The following RBFOX1 variants were observed in gnomAD, a reference collection of about 807,000 sequenced individuals.
The protein encoded by RBFOX1 is RNA binding protein fox-1 homolog 1.
RBFOX1 carries 8 observed loss-of-function variants against 57.7 expected under a neutral mutation model. That is an observed-to-expected ratio of 0.14 (90% CI 0.08 to 0.25). The LOEUF is 0.25. Ranked by LOEUF, RBFOX1 falls within the 10% of genes least tolerant of loss-of-function variation. The pLI, the probability that RBFOX1 is intolerant of heterozygous loss-of-function variation, is 1.00. For synonymous variants in RBFOX1, 326 were observed against 222.4 expected, an observed-to-expected ratio of 1.47 and a Z score of -4.15; for missense variants, 611 against 548.5, an observed-to-expected ratio of 1.11 and a Z score of -1.14.
At chr16:5,310,478 C>T in intron 1 of RBFOX1, among the ~76,000 whole-genome samples, 1 of 152,160 alleles carries the variant, frequency 6.6e-6, no homozygotes, top group East Asian at 1.9e-4. Flanking sequence ...GTATAGTGAA[C>T]TCAGGCACAG....
intron 3 of RBFOX1, among the ~76,000 whole-genome samples, chr16:5,715,107 A>G (rs942595917): frequency 6.6e-6 from 1 of 152,210 alleles, no homozygotes; most frequent in African/African-American, 2.4e-5. Flanking sequence ...AATGCTCAGT[A>G]CCTTACATTT....
chr16:5,776,951 T>A (rs1370262043), intron 3 of RBFOX1, among the ~76,000 whole-genome samples: 1 of 152,226 alleles, frequency 6.6e-6, no homozygotes, highest in Non-Finnish European at 1.5e-5. Context: ...GAATTGAATT[T>A]TAAATTAAAT....
At chr16:5,863,239 A>G (rs1052553898) in intron 3 of RBFOX1, among the ~76,000 whole-genome samples, 1 of 152,170 alleles carries the variant, frequency 6.6e-6, no homozygotes, top group African/African-American at 2.4e-5. Flanking sequence ...GAAGGAGAGG[A>G]AGGGAAATGA....
chr16:6,741,227 G>A (rs981661596), intron 3 of RBFOX1, among the ~76,000 whole-genome samples: 11 of 152,042 alleles, frequency 7.2e-5, no homozygotes, highest in Admixed American at 3.9e-4. Context: ...ATAAAAATTA[G>A]CTCAAAATGG....
intron 4 of RBFOX1, among the ~76,000 whole-genome samples, chr16:7,501,186 G>A (rs930954149): frequency 6.6e-6 from 1 of 152,204 alleles, no homozygotes; most frequent in African/African-American, 2.4e-5. Context: ...ATGGAGAAGA[G>A]AATGATCATT....
In RBFOX1 at chr16:7,504,757, A is replaced by ATATATATATATATATATT. The variant is rs2072497447; in HGVS notation, c.28-13377_28-13376insATATTTATATATATATAT. 9.6e-4 allele frequency among the ~76,000 whole-genome samples: 9 copies of ATATATATATATATATATT among 9,390 alleles called. 1 individual carries two copies. The highest frequency in any genetic ancestry group is 2.5e-3 in the African/African-American group (9 of 3,636). 6.2% of individuals were successfully genotyped at this position (9,390 alleles called of 152,430 possible). A position where few individuals can be genotyped will look rare whatever the true frequency, so the allele number is the denominator to read the frequency against. ...TATATATATATATATATATATATTT[A>ATATATATATATATATATT]TATATATATATATTTATATATATAT... On this transcript the variant is annotated intron_variant, in intron 4 of 15. Transcript: ENST00000550418.
intron 1 of RBFOX1, among the ~76,000 whole-genome samples, chr16:5,258,502 C>A (rs2062646792): frequency 1.3e-5 from 2 of 152,124 alleles, no homozygotes; most frequent in Admixed American, 1.3e-4. Flanking sequence ...GATGTCTTGT[C>A]CTCAAAATGT....
At chr16:6,521,460 C>G (rs1234420810) in intron 2 of RBFOX1, among the ~76,000 whole-genome samples, 1 of 134,048 alleles carries the variant, frequency 7.5e-6, no homozygotes, top group African/African-American at 2.8e-5. Flanking sequence ...CGTCCCCTCT[C>G]CTCTCCTCTC....
At chr16:6,545,513 G>A (rs376964623) in intron 2 of RBFOX1, among the ~76,000 whole-genome samples, 9 of 152,182 alleles carry the variant, frequency 5.9e-5, no homozygotes, top group African/African-American at 2.2e-4. Flanking sequence ...GCCTCCTGTC[G>A]TGGTCACTTG....
intron 4 of RBFOX1, among the ~76,000 whole-genome samples, chr16:7,505,481 C>T (rs1181355663): frequency 6.6e-6 from 1 of 152,216 alleles, no homozygotes; most frequent in Non-Finnish European, 1.5e-5. Context: ...GGGCTAAGCA[C>T]ATATTTCCCT....
At chr16:6,018,020 A>T (rs550956445), upstream of RBFOX1, among the ~76,000 whole-genome samples, 1 of 152,204 alleles carries the variant, frequency 6.6e-6, no homozygotes, top group Non-Finnish European at 1.5e-5. Context: ...GGGTGGTGCC[A>T]CATAAAATGA....
intron 2 of RBFOX1, among the ~76,000 whole-genome samples, chr16:6,340,011 T>C (rs997902524): frequency 2.6e-5 from 4 of 152,112 alleles, no homozygotes; most frequent in African/African-American, 7.2e-5. Context: ...AGCTTTATGA[T>C]TCTAGTATCA....
intron 3 of RBFOX1, among the ~76,000 whole-genome samples, chr16:6,863,783 A>G (rs1311739051): frequency 3.5e-5 from 5 of 142,142 alleles, no homozygotes; most frequent in African/African-American, 5.4e-5. Context: ...TACAGAGGTA[A>G]TAAACCTTGT....
At chr16:5,493,542 C>T (rs866364082) in intron 2 of RBFOX1, among the ~76,000 whole-genome samples, 3 of 152,238 alleles carry the variant, frequency 2.0e-5, no homozygotes, top group Admixed American at 6.5e-5. Flanking sequence ...GTCCCTGTCC[C>T]CATTGGTTTA....
intron 3 of RBFOX1, among the ~76,000 whole-genome samples, chr16:7,035,323 A>G (rs1243859732): frequency 6.6e-5 from 10 of 152,204 alleles, no homozygotes; most frequent in Non-Finnish European, 1.0e-4. Flanking sequence ...GTGCTGGCCC[A>G]TTTATCCTAG....
intron 4 of RBFOX1, among the ~76,000 whole-genome samples, chr16:7,327,905 C>T (rs1056231486): frequency 4.6e-5 from 7 of 152,106 alleles, no homozygotes; most frequent in Admixed American, 6.5e-5. Context: ...CTGCAGGTTG[C>T]GATGTTGACC....
chr16:6,589,213 A>G (rs2097675109), intron 2 of RBFOX1, among the ~76,000 whole-genome samples: 1 of 152,252 alleles, frequency 6.6e-6, no homozygotes, highest in African/African-American at 2.4e-5. Context: ...CAAAAATAAC[A>G]GAACTCTAAC....
At chr16:7,265,914 T>G (rs551458337) in intron 4 of RBFOX1, among the ~76,000 whole-genome samples, 1 of 151,340 alleles carries the variant, frequency 6.6e-6, no homozygotes, top group African/African-American at 2.4e-5. Flanking sequence ...CTTCCTTGCT[T>G]GGTGCTGTCT....
chr16:6,419,260 G>T (rs1422789189), intron 2 of RBFOX1, among the ~76,000 whole-genome samples: 1 of 152,088 alleles, frequency 6.6e-6, no homozygotes, highest in African/African-American at 2.4e-5. Context: ...CCAGGTATAT[G>T]CTGTGGTATC....
Sources: gnomAD v4.1 joint callset for allele counts (sites outside exome capture counted in the v4.1 genomes callset) on GRCh38, gnomAD v4.1.1 for gene constraint, MANE v1.5 for transcripts, NCBI Gene and HGNC (gene_info 2026-07-23, HGNC 2026-07-21) for gene names.